The following TSNARE1 variants were observed in gnomAD, a reference collection of about 807,000 sequenced individuals.
TSNARE1 encodes t-SNARE domain containing 1, also known as t-SNARE domain-containing protein 1.
Under a neutral mutation model 62.0 loss-of-function variants are expected in TSNARE1, and 49 were observed. The observed-to-expected ratio is 0.79, with a 90% CI of 0.63 to 1.00. TSNARE1 has a LOEUF of 1.00. Ranked by LOEUF, TSNARE1 falls within the 50% of genes least tolerant of loss-of-function variation. The pLI, the probability that TSNARE1 is intolerant of heterozygous loss-of-function variation, is 0.00. For synonymous variants in TSNARE1, 328 were observed against 294.4 expected, an observed-to-expected ratio of 1.11 and a Z score of -1.17; for missense variants, 755 against 700.1, an observed-to-expected ratio of 1.08 and a Z score of -0.88.
chr8:142,280,328 GA>G lies in TSNARE1; in HGVS notation c.1363+4084del, dbSNP rs1365042240. 9.1e-6 allele frequency: 9 copies of G among 985,276 alleles called. No individual in the cohort carries two copies. The East Asian group carries it at 9.1e-4, about 99-fold the overall frequency. 61.0% of individuals were successfully genotyped at this position (985,276 alleles called of 1,614,324 possible). On this transcript the variant is annotated intron_variant, in intron 11 of 13. Transcript: ENST00000524325. ...ATGGCTTTGCTGCTGCTGGACCCTG[GA>G]AAGGCACCAGAGGCTGAGCAGGGGG...
intron 1 of TSNARE1, among the ~76,000 whole-genome samples, chr8:142,387,963 T>A (rs1837219871): frequency 6.6e-6 from 1 of 152,118 alleles, no homozygotes; most frequent in Non-Finnish European, 1.5e-5. Context: ...AAAAGAAAAC[T>A]ACAGACCAAC....
At chr8:142,256,987 G>A (rs1233455420) in intron 12 of TSNARE1, among the ~76,000 whole-genome samples, 1 of 152,166 alleles carries the variant, frequency 6.6e-6, no homozygotes, top group African/African-American at 2.4e-5. Context: ...CATGCCATTT[G>A]CATACAGTTG....
chr8:142,345,718 G>A, intron 3 of TSNARE1, 25 bp downstream of exon 3: 1 of 1,557,356 alleles, frequency 6.4e-7, no homozygotes, highest in South Asian at 1.2e-5. Context: ...CAGGACCCCT[G>A]AGACCCAGCG....
At chr8:142,315,285 C>T (rs547779466) in intron 7 of TSNARE1, among the ~76,000 whole-genome samples, 193 bp from the exon 8 acceptor site, 1 of 152,320 alleles carries the variant, frequency 6.6e-6, no homozygotes, top group South Asian at 2.1e-4. Flanking sequence ...ACCATCACCA[C>T]AAAATCCGGT....
chr8:142,277,958 C>G, intron 11 of TSNARE1: 1 of 985,438 alleles, frequency 1.0e-6, no homozygotes, highest in Non-Finnish European at 1.2e-6. Context: ...CACCCCCAAA[C>G]CAGGTCTGCC....
At position 142,330,883 on chromosome 8, in the gene TSNARE1, C is replaced by T. The variant is rs374366914; in HGVS notation, c.893+18G>A. The T allele has an allele frequency of 2.0e-5, 32 of 1,613,680 alleles. No homozygotes were observed. Among genetic ancestry groups the T allele is most frequent in the South Asian group, 3.3e-5 (3 of 91,084 alleles). On this transcript the variant is annotated intron_variant, in intron 6 of 13. Coordinates refer to ENST00000524325, the MANE Select transcript of TSNARE1 (RefSeq NM_145003.5). ...GCACCACGCCCAGGCAAAGAGATAC[C>T]ATGGCCCACACACTCACAGGCTGTC...
intron 10 of TSNARE1, among the ~76,000 whole-genome samples, chr8:142,289,679 G>A (rs551276143): frequency 4.0e-4 from 61 of 152,338 alleles, no homozygotes; most frequent in African/African-American, 1.4e-3. Context: ...CAAGCCCTCT[G>A]CATAGGAGCT....
intron 6 of TSNARE1, among the ~76,000 whole-genome samples, chr8:142,327,307 CAG>C (rs1332511183): frequency 1.3e-5 from 2 of 151,212 alleles, no homozygotes; most frequent in Non-Finnish European, 2.9e-5. Context: ...CACAGTGGGA[CAG>C]AGAGGGGGCG....
chr8:142,368,127 A>G (rs1373513237), intron 1 of TSNARE1, among the ~76,000 whole-genome samples: 4 of 152,114 alleles, frequency 2.6e-5, no homozygotes, highest in Non-Finnish European at 5.9e-5. Flanking sequence ...AAACTTCTGC[A>G]TGGTTAAAAA....
At chr8:142,340,703 G>A (rs1023183954) in intron 4 of TSNARE1, among the ~76,000 whole-genome samples, 15 of 152,226 alleles carry the variant, frequency 9.9e-5, no homozygotes, top group African/African-American at 3.4e-4. Flanking sequence ...CAGTCCCAAG[G>A]GTGCCATCCC....
At chr8:142,381,291 T>C (rs557891333) in intron 1 of TSNARE1, among the ~76,000 whole-genome samples, 2 of 152,304 alleles carry the variant, frequency 1.3e-5, no homozygotes, top group East Asian at 3.9e-4. Flanking sequence ...GCCACCTCCA[T>C]ATGGCCAGCA....
intron 2 of TSNARE1, among the ~76,000 whole-genome samples, chr8:142,347,246 GA>G (rs1833494442): frequency 6.6e-6 from 1 of 152,250 alleles, no homozygotes; most frequent in East Asian, 1.9e-4. Context: ...CTCTGGAGGG[GA>G]TGGAGAGGGA....
intron 1 of TSNARE1, among the ~76,000 whole-genome samples, chr8:142,372,052 A>T (rs1835953166): frequency 6.6e-6 from 1 of 152,200 alleles, no homozygotes; most frequent in Non-Finnish European, 1.5e-5. Context: ...GCCATCAACC[A>T]AGGAGACGAA....
At position 142,280,831 on chromosome 8, in the gene TSNARE1, G is replaced by A. The variant is rs1217543669; in HGVS notation, c.1363+3582C>T. 2.6e-5 allele frequency among the ~76,000 whole-genome samples: 4 copies of A among 152,186 alleles called. No individual in the cohort carries two copies. The East Asian group carries it at 5.8e-4, about 22-fold the overall frequency. ...ACAGAGCGATAGGAGGGGTCCTGGG[G>A]AGAGGAGGTGGTAAGGGAGTGATGG... On this transcript the variant is annotated intron_variant, in intron 11 of 13. Coordinates refer to ENST00000524325, the MANE Select transcript of TSNARE1 (RefSeq NM_145003.5).
chr8:142,354,858 C>T (rs1043101206), intron 1 of TSNARE1, 95 bp from the exon 2 acceptor site: 7 of 678,754 alleles, frequency 1.0e-5, no homozygotes, highest in African/African-American at 1.8e-5. Flanking sequence ...CCCTCCCCAG[C>T]CCCAAGACCC....
At chr8:142,281,577 G>T in intron 11 of TSNARE1, among the ~76,000 whole-genome samples, 1 of 152,014 alleles carries the variant, frequency 6.6e-6, no homozygotes, top group Non-Finnish European at 1.5e-5. Context: ...GGAGGCCACA[G>T]CGCATGGAGT....
intron 13 of TSNARE1, among the ~76,000 whole-genome samples, chr8:142,228,174 G>A (rs915238471): frequency 2.6e-5 from 4 of 152,228 alleles, no homozygotes; most frequent in Non-Finnish European, 4.4e-5. Flanking sequence ...GAGACCCAGA[G>A]CCAGAGCCAC....
chr8:142,301,747 C>G (rs569749347), intron 9 of TSNARE1, among the ~76,000 whole-genome samples: 2 of 151,892 alleles, frequency 1.3e-5, no homozygotes, highest in Non-Finnish European at 2.9e-5. Context: ...TGGCCAGGAC[C>G]GGCCTCACCA....
chr8:142,370,336 A>G (rs1454305981), intron 1 of TSNARE1, among the ~76,000 whole-genome samples: 1 of 152,224 alleles, frequency 6.6e-6, no homozygotes, highest in Non-Finnish European at 1.5e-5. Flanking sequence ...TGGAAGGCCA[A>G]GGCAGGAACA....
Sources: gnomAD v4.1 joint callset for allele counts (sites outside exome capture counted in the v4.1 genomes callset) on GRCh38, gnomAD v4.1.1 for gene constraint, MANE v1.5 for transcripts, NCBI Gene and HGNC (gene_info 2026-07-23, HGNC 2026-07-21) for gene names.